Variants in XKR6 observed in about 807,000 individuals in gnomAD.
XKR6 encodes the protein XK-related protein 6.
XKR6 carries 22 observed loss-of-function variants against 56.7 expected under a neutral mutation model. That is an observed-to-expected ratio of 0.39 (90% CI 0.28 to 0.55). The LOEUF (loss-of-function observed/expected upper bound fraction) is 0.55, where lower values mean the gene tolerates loss of function less well. XKR6 is among the 20% of genes least tolerant of loss of function. The pLI is 0.66. For synonymous variants in XKR6, 524 were observed against 387.8 expected (o/e 1.35, Z -4.13); for missense variants, 852 against 889.0 (o/e 0.96, Z 0.53).
intron 1 of XKR6, among the ~76,000 whole-genome samples, chr8:10,971,196 C>T (rs1023704555): frequency 6.6e-6 from 1 of 151,646 alleles, no homozygotes; most frequent in Non-Finnish European, 1.5e-5. Context: ...CCGAGGTGGG[C>T]GGATCACGAG....
chr8:11,035,076 G>T, intron 1 of XKR6: 2 of 417,262 alleles, frequency 4.8e-6, no homozygotes, highest in Admixed American at 2.7e-5. Context: ...TCTGAGCTTC[G>T]GTTTCCTCAT....
intron 1 of XKR6, among the ~76,000 whole-genome samples, chr8:11,192,484 A>G (rs965269460): frequency 6.6e-6 from 1 of 151,978 alleles, no homozygotes; most frequent in African/African-American, 2.4e-5. Flanking sequence ...GCATGGTGGC[A>G]CACGCCTCAA....
intron 1 of XKR6, among the ~76,000 whole-genome samples, chr8:11,088,002 T>C (rs146800767): frequency 6.6e-6 from 1 of 152,354 alleles, no homozygotes; most frequent in African/African-American, 2.4e-5. Context: ...ACATAAAGTA[T>C]TGCCACTGTC....
At chr8:10,905,075 G>T (rs1037108730) in intron 2 of XKR6, among the ~76,000 whole-genome samples, 4 of 152,166 alleles carry the variant, frequency 2.6e-5, no homozygotes, top group African/African-American at 9.7e-5. Context: ...TTCCTGGCTT[G>T]TTCCCATCAG....
chr8:10,907,672 T>C (rs527896508), intron 2 of XKR6, among the ~76,000 whole-genome samples: 176 of 152,328 alleles, frequency 1.2e-3, no homozygotes, highest in Middle Eastern at 0.01. Flanking sequence ...CTGGGAAAGA[T>C]CTCTCTCCAT....
At chr8:11,193,559 G>A (rs1022259285) in intron 1 of XKR6, among the ~76,000 whole-genome samples, 1 of 152,084 alleles carries the variant, frequency 6.6e-6, no homozygotes, top group African/African-American at 2.4e-5. Context: ...AGTGTCAAAA[G>A]AGAACTTATA....
intron 1 of XKR6, chr8:11,108,376 T>C (rs749207760): frequency 2.9e-5 from 13 of 455,562 alleles, no homozygotes; most frequent in African/African-American, 1.6e-4. Context: ...CATGTTACGC[T>C]GTAAATCTGA....
At chr8:11,142,346 T>C (rs1800747536) in intron 1 of XKR6, among the ~76,000 whole-genome samples, 1 of 152,154 alleles carries the variant, frequency 6.6e-6, no homozygotes, top group Admixed American at 6.5e-5. Context: ...TAAGGGCTTG[T>C]AAGGTCTGAT....
At chr8:11,083,308 C>T (rs1050825081) in intron 1 of XKR6, among the ~76,000 whole-genome samples, 1 of 152,164 alleles carries the variant, frequency 6.6e-6, no homozygotes, top group African/African-American at 2.4e-5. Flanking sequence ...GCCTCCTGTT[C>T]CCCTACCTCC....
rs187591645 is a variant in XKR6, at chr8:10,944,667, C to G, written c.765-19837G>C. 2.6e-5 allele frequency among the ~76,000 whole-genome samples: 4 copies of G among 152,296 alleles called. 1 individual carries two copies. In the Middle Eastern group the frequency reaches 0.01, roughly 389 times the overall value. On this transcript the variant is annotated intron_variant, in intron 1 of 2. Coordinates refer to ENST00000416569, the MANE Select transcript of XKR6 (RefSeq NM_173683.4). ...CTGAGTATGAGAACAGACTCTAGAACCTTCCACAGCCTGGCTGGCTCCGAG... is the reference window on the plus strand; with the variant it reads ...CTGAGTATGAGAACAGACTCTAGAAGCTTCCACAGCCTGGCTGGCTCCGAG...
At chr8:10,988,732 G>A (rs182611219) in intron 1 of XKR6, among the ~76,000 whole-genome samples, 1 of 152,344 alleles carries the variant, frequency 6.6e-6, no homozygotes, top group East Asian at 1.9e-4. Context: ...GGGCACCAAA[G>A]GAAGAAAAGA....
At chr8:10,915,312 TA>T (rs1445584296) in intron 2 of XKR6, among the ~76,000 whole-genome samples, 2 of 151,110 alleles carry the variant, frequency 1.3e-5, no homozygotes, top group Non-Finnish European at 2.9e-5. Context: ...CCACCTGCAG[TA>T]AATGCTCAGG....
chr8:10,957,610 G>A (rs986750864), intron 1 of XKR6, among the ~76,000 whole-genome samples: 10 of 152,322 alleles, frequency 6.6e-5, no homozygotes, highest in African/African-American at 1.9e-4. Context: ...AAAATGAGAG[G>A]AGACTGCAGG....
At chr8:11,183,036 G>T (rs1803078904) in intron 1 of XKR6, among the ~76,000 whole-genome samples, 1 of 152,180 alleles carries the variant, frequency 6.6e-6, no homozygotes, top group Non-Finnish European at 1.5e-5. Context: ...GTTGCAGCAT[G>T]TGTTAGAATT....
Position 11,093,030 on chromosome 8 carries a change from TTTTCTCTTTC to T in XKR6, c.764+107536_764+107545del, listed in dbSNP as rs1353253526. ...GCTTTTCTTTCTCTTTTCTTTTTTC[TTTTCTCTTTC>T]TTTCTCTTTCTTTTTCTTTTCTTTC... On this transcript the variant is annotated intron_variant, in intron 1 of 2. Transcript: ENST00000416569. 6.1e-5 allele frequency among the ~76,000 whole-genome samples: 8 copies of T among 131,704 alleles called. No individual in the cohort carries two copies. The East Asian group carries it at 7.8e-4, about 13-fold the overall frequency. The allele number at this position is 131,704 out of a possible 152,430, so 86.4% of individuals were successfully genotyped here.
intron 1 of XKR6, among the ~76,000 whole-genome samples, chr8:11,027,819 C>T (rs1476458123): frequency 6.6e-6 from 1 of 152,108 alleles, no homozygotes; most frequent in Admixed American, 6.5e-5. Context: ...AAAATATCCC[C>T]TCCCCCTGGC....
intron 1 of XKR6, among the ~76,000 whole-genome samples, chr8:11,168,223 G>T (rs1055983707): frequency 6.6e-6 from 1 of 152,112 alleles, no homozygotes; most frequent in Non-Finnish European, 1.5e-5. Context: ...TCCCTGAGAA[G>T]GCCAGACATT....
At chr8:10,946,649 C>G (rs1801552699) in intron 1 of XKR6, among the ~76,000 whole-genome samples, 1 of 152,012 alleles carries the variant, frequency 6.6e-6, no homozygotes. Flanking sequence ...ATCCAAACCC[C>G]TCTCAGTCGT....
chr8:11,194,613 T>C (rs780176186), intron 1 of XKR6: 2 of 152,566 alleles, frequency 1.3e-5, no homozygotes, highest in Non-Finnish European at 2.9e-5. Flanking sequence ...AAGCAAATCA[T>C]CCTGGGGTGA....
Sources: allele counts gnomAD v4.1 joint callset (sites outside exome capture counted in the v4.1 genomes callset), GRCh38; gene constraint gnomAD v4.1.1; transcripts MANE v1.5; gene names NCBI Gene and HGNC (gene_info 2026-07-23, HGNC 2026-07-21).